The following SEPTIN11 variants were observed in gnomAD, a reference collection of about 807,000 sequenced individuals.
SEPTIN11 encodes septin-11.
Under a neutral mutation model 51.4 loss-of-function variants are expected in SEPTIN11, and 25 were observed. That is an observed-to-expected ratio of 0.49 (90% CI 0.35 to 0.68). The LOEUF (loss-of-function observed/expected upper bound fraction) is 0.68. Ranked by LOEUF, SEPTIN11 falls within the 30% of genes least tolerant of loss-of-function variation. SEPTIN11 has a pLI of 0.00. For synonymous variants in SEPTIN11, 174 were observed against 184.1 expected (o/e 0.95, Z 0.44); for missense variants, 381 against 520.8 (o/e 0.73, Z 2.61).
chr4:77,036,055 A>G lies in SEPTIN11; in HGVS notation c.*1543A>G. 1.0e-6 allele frequency: 1 copy of G among 985,932 alleles called. No homozygotes were observed. Among genetic ancestry groups the G allele is most frequent in the Non-Finnish European group, 1.2e-6 (1 of 829,976 alleles). 61.1% of individuals were successfully genotyped at this position (985,932 alleles called of 1,614,324 possible). A position where few individuals can be genotyped will look rare whatever the true frequency, so the allele number is the denominator to read the frequency against. On this transcript the variant is annotated 3_prime_UTR_variant, in exon 10 of 10. Coordinates refer to ENST00000264893, the MANE Select transcript of SEPTIN11 (RefSeq NM_018243.4). ...TTTGAATGAGCAAGTCTCCATTTTGATTTCAGCAAAGATTTTTTCTCCTTT... is the reference window on the plus strand; with the variant it reads ...TTTGAATGAGCAAGTCTCCATTTTGGTTTCAGCAAAGATTTTTTCTCCTTT...
chr4:76,986,800 T>C (rs1240897946), intron 1 of SEPTIN11, among the ~76,000 whole-genome samples: 1 of 152,246 alleles, frequency 6.6e-6, no homozygotes, highest in Non-Finnish European at 1.5e-5. Flanking sequence ...TTTAGTATTA[T>C]TGTTATTGAT....
chr4:76,963,264 A>G (rs1234120856), intron 1 of SEPTIN11, among the ~76,000 whole-genome samples: 1 of 152,322 alleles, frequency 6.6e-6, no homozygotes, highest in East Asian at 1.9e-4. Flanking sequence ...CCCGTTGCAC[A>G]CACTGCAGTG....
rs5859558 is a variant in SEPTIN11 at position 77,036,757 on chromosome 4, C to CT, written c.*2252dup. Reference sequence around the variant, plus strand: ...TTCTTTTTTCTTTCTGTATCTATGCCTTTTTTTCACAGTAGTCCTTGGCTC... The same window carrying CT: ...TTCTTTTTTCTTTCTGTATCTATGCCTTTTTTTTCACAGTAGTCCTTGGCTC... On this transcript the variant is annotated 3_prime_UTR_variant, in exon 10 of 10. Coordinates refer to ENST00000264893, the MANE Select transcript of SEPTIN11 (RefSeq NM_018243.4). 6.5e-7 allele frequency: 1 copy of CT among 1,535,310 alleles called. No homozygotes were observed. The highest frequency in any genetic ancestry group is 2.0e-5 in the Admixed American group (1 of 50,886).
intron 4 of SEPTIN11, 148 bp from the exon 5 acceptor site, chr4:77,014,708 G>A (rs1578185149): frequency 6.9e-6 from 5 of 727,598 alleles, no homozygotes; most frequent in Non-Finnish European, 1.1e-5. Context: ...TATATTTATG[G>A]GGTACATGAG....
chr4:76,985,972 CA>C (rs1460669794), intron 1 of SEPTIN11, among the ~76,000 whole-genome samples: 1 of 152,012 alleles, frequency 6.6e-6, no homozygotes, highest in Non-Finnish European at 1.5e-5. Context: ...TAGTTATGTC[CA>C]AAGGGCAGAG....
chr4:76,959,044 A>T lies in SEPTIN11; in HGVS notation c.27+9114A>T, dbSNP rs115962284. On this transcript the variant is annotated intron_variant, in intron 1 of 9. Coordinates refer to ENST00000264893, the MANE Select transcript of SEPTIN11 (RefSeq NM_018243.4). ...TGTTGGAATACTTTTCAGAGAGGGA[A>T]TGAAAGAAAGACTTGATCATTTTGC... is the stretch of plus-strand genomic sequence containing the variant. 897 of 720,812 alleles carry T rather than the reference A, an allele frequency of 1.2e-3. 6 individuals are homozygous for T. In the African/African-American group the frequency reaches 0.014, roughly 11 times the overall value. 44.7% of individuals were successfully genotyped at this position (720,812 alleles called of 1,614,324 possible).
chr4:77,034,539 C>A lies in SEPTIN11; in HGVS notation c.*27C>A. 1 of 1,551,342 alleles carries A rather than the reference C, an allele frequency of 6.4e-7. No individual in the cohort carries two copies. The highest frequency in any genetic ancestry group is 8.7e-7 in the Non-Finnish European group (1 of 1,153,804). ...GCCTGGCAAGCCAAGGATGTTCCCG[C>A]ATTCACCTGCTTTTGCAGTAATATC... On this transcript the variant is annotated 3_prime_UTR_variant, in exon 10 of 10. Coordinates refer to ENST00000264893, the MANE Select transcript of SEPTIN11 (RefSeq NM_018243.4).
chr4:76,974,249 C>A (rs1283674748), intron 1 of SEPTIN11, among the ~76,000 whole-genome samples: 1 of 152,146 alleles, frequency 6.6e-6, no homozygotes, highest in African/African-American at 2.4e-5. Context: ...ATTCCTTTTC[C>A]TGTTGTCCTC....
intron 1 of SEPTIN11, among the ~76,000 whole-genome samples, chr4:76,961,254 T>A (rs1721814540): frequency 6.6e-6 from 1 of 152,202 alleles, no homozygotes; most frequent in Admixed American, 6.5e-5. Context: ...AACCTCCAGC[T>A]TTTTTTCTTC....
At chr4:76,963,039 G>A (rs1421699202) in intron 1 of SEPTIN11, among the ~76,000 whole-genome samples, 1 of 152,118 alleles carries the variant, frequency 6.6e-6, no homozygotes, top group Admixed American at 6.5e-5. Context: ...TTAGCAATTC[G>A]ATTTAATTTT....
chr4:76,992,585 T>C (rs1455817315), intron 1 of SEPTIN11, among the ~76,000 whole-genome samples: 3 of 152,204 alleles, frequency 2.0e-5, no homozygotes, highest in African/African-American at 7.2e-5. Context: ...TATAGAATTA[T>C]TAAGAGAGAG....
chr4:77,006,026 C>A (rs1302490715), intron 3 of SEPTIN11, among the ~76,000 whole-genome samples: 1 of 152,046 alleles, frequency 6.6e-6, no homozygotes, highest in Non-Finnish European at 1.5e-5. Context: ...CAGAAAGGGG[C>A]TTTATTAGAG....
chr4:77,037,115 A>G lies in SEPTIN11; in HGVS notation c.*2603A>G. The G allele has an allele frequency of 9.9e-7, 1 of 1,010,944 alleles. No individual in the cohort carries two copies. The highest frequency in any genetic ancestry group is 1.2e-6 in the Non-Finnish European group (1 of 839,848). 62.6% of individuals were successfully genotyped at this position (1,010,944 alleles called of 1,614,324 possible). On this transcript the variant is annotated 3_prime_UTR_variant, in exon 10 of 10. Transcript: ENST00000264893. ...GGTGGCTCATGCCTGTAATCCCAGC[A>G]CTTTGAGAGGCCGAGGTGGGCAGAT...
Position 76,949,887 on chromosome 4 carries a change from C to T in SEPTIN11, c.-17C>T, listed in dbSNP as rs373303130. ...GTAAAGCACCCGGGCGCAGCCGGAG[C>T]CGGTGCCGCAGCTGCGATGGCCGTG... On this transcript the variant is annotated 5_prime_UTR_variant, in exon 1 of 10. Transcript: ENST00000264893. 11 of 1,526,096 alleles carry T rather than the reference C, an allele frequency of 7.2e-6. No homozygotes were observed. The highest frequency in any genetic ancestry group is 5.9e-5 in the Admixed American group (3 of 50,580). 94.5% of individuals were successfully genotyped at this position (1,526,096 alleles called of 1,614,324 possible).
rs1726385292 is a variant in SEPTIN11 at position 77,028,866 on chromosome 4, C to T, written c.1086+105C>T. The T allele has an allele frequency of 4.3e-5, 54 of 1,251,046 alleles. No homozygotes were observed. The South Asian group carries it at 1.0e-3, about 24-fold the overall frequency. The allele number at this position is 1,251,046 out of a possible 1,614,324, so 77.5% of individuals were successfully genotyped here. ...TGATGGTCCAAGTACTTTCTACATGCATTTTGTCACGAGTGACCTGCCAAC... is the reference window on the plus strand; with the variant it reads ...TGATGGTCCAAGTACTTTCTACATGTATTTTGTCACGAGTGACCTGCCAAC... On this transcript the variant is annotated intron_variant, in intron 8 of 9. Transcript: ENST00000264893.
In SEPTIN11 at chr4:77,016,633, C is replaced by CACATATATATATATAT. The variant is rs1375044162; in HGVS notation, c.687+1617_687+1618insCATATATATATATATA. Among the ~76,000 whole-genome samples, 35 of 72,746 alleles carry CACATATATATATATAT rather than the reference C, an allele frequency of 4.8e-4. 3 individuals are homozygous for CACATATATATATATAT. The highest frequency in any genetic ancestry group is 7.9e-4 in the Admixed American group (5 of 6,338). 47.7% of individuals were successfully genotyped at this position (72,746 alleles called of 152,430 possible). On this transcript the variant is annotated intron_variant, in intron 5 of 9. Transcript: ENST00000264893. ...ATATACACATATATATATATATACACATATATATATATATATATATATACA... is the reference window on the plus strand; with the variant it reads ...ATATACACATATATATATATATACACACATATATATATATATATATATATATATATATATATATACA...
At chr4:77,018,406 G>A (rs976997463) in intron 5 of SEPTIN11, among the ~76,000 whole-genome samples, 15 of 150,490 alleles carry the variant, frequency 1.0e-4, no homozygotes, top group Non-Finnish European at 1.6e-4. Context: ...CCGAGATCGC[G>A]CCACTGCACT....
chr4:76,973,438 GC>G (rs1218504498), intron 1 of SEPTIN11, among the ~76,000 whole-genome samples: 2 of 152,196 alleles, frequency 1.3e-5, no homozygotes, highest in East Asian at 3.8e-4. Context: ...GAGCAGCCAC[GC>G]AGCGCAGCAC....
intron 1 of SEPTIN11, among the ~76,000 whole-genome samples, chr4:76,989,793 C>T (rs1723255294): frequency 6.6e-6 from 1 of 152,202 alleles, no homozygotes; most frequent in African/African-American, 2.4e-5. Flanking sequence ...ATATTCTGTA[C>T]AGGTTTATAG....
Sources: gnomAD v4.1 joint callset for allele counts (sites outside exome capture counted in the v4.1 genomes callset) on GRCh38, gnomAD v4.1.1 for gene constraint, MANE v1.5 for transcripts, NCBI Gene and HGNC (gene_info 2026-07-23, HGNC 2026-07-21) for gene names.